The following SEZ6L variants were observed in gnomAD, a reference collection of about 807,000 sequenced individuals.
The protein encoded by SEZ6L is seizure 6-like protein.
Under a neutral mutation model 106.2 loss-of-function variants are expected in SEZ6L, and 37 were observed. That is an observed-to-expected ratio of 0.35 (90% CI 0.27 to 0.46). SEZ6L has a LOEUF of 0.46. Among genes scored for constraint, SEZ6L ranks in the 20% least tolerant of loss-of-function variants. The probability of loss-of-function intolerance (pLI) is 1.00; values close to 1 mark genes in which losing one functional copy is unlikely to be tolerated. For synonymous variants in SEZ6L, 541 were observed against 570.4 expected, an observed-to-expected ratio of 0.95 and a Z score of 0.73; for missense variants, 1,172 against 1,332.8, an observed-to-expected ratio of 0.88 and a Z score of 1.88.
intron 9 of SEZ6L, among the ~76,000 whole-genome samples, chr22:26,339,468 G>C (rs1339020550): frequency 6.6e-6 from 1 of 152,174 alleles, no homozygotes; most frequent in Non-Finnish European, 1.5e-5. Context: ...GTGGTATAGT[G>C]AAGTGATTTC....
chr22:26,324,373 C>T (rs1446316445), intron 9 of SEZ6L, among the ~76,000 whole-genome samples: 1 of 152,200 alleles, frequency 6.6e-6, no homozygotes, highest in East Asian at 1.9e-4. Context: ...GGCCTAATAA[C>T]AAACCCAGGT....
chr22:26,308,855 C>T (rs1306827390), intron 6 of SEZ6L, among the ~76,000 whole-genome samples: 1 of 152,140 alleles, frequency 6.6e-6, no homozygotes, highest in Admixed American at 6.5e-5. Context: ...TCCAGAGCAA[C>T]CCTCTTTGCC....
At chr22:26,174,486 G>A (rs1471415827) in intron 1 of SEZ6L, among the ~76,000 whole-genome samples, 4 of 152,206 alleles carry the variant, frequency 2.6e-5, no homozygotes, top group Admixed American at 6.5e-5. Flanking sequence ...GGGCTGGGTA[G>A]ACGAGAGCTG....
chr22:26,346,095 A>G (rs189348086), intron 10 of SEZ6L, among the ~76,000 whole-genome samples: 77 of 151,820 alleles, frequency 5.1e-4, no homozygotes, highest in African/African-American at 1.5e-3. Flanking sequence ...TGAAGCCTTC[A>G]TGGCTCGCTG....
At chr22:26,298,148 A>G (rs1251051631) in intron 4 of SEZ6L, among the ~76,000 whole-genome samples, 1 of 152,186 alleles carries the variant, frequency 6.6e-6, no homozygotes, top group Non-Finnish European at 1.5e-5. Flanking sequence ...ACAACTTTTC[A>G]TTGTGGGATA....
chr22:26,287,547 A>C (rs1162478529), intron 1 of SEZ6L, among the ~76,000 whole-genome samples: 1 of 152,216 alleles, frequency 6.6e-6, no homozygotes, highest in Non-Finnish European at 1.5e-5. Flanking sequence ...CAAGAAAAAC[A>C]AGGCTATTGG....
At chr22:26,336,945 G>A (rs866692041) in intron 9 of SEZ6L, among the ~76,000 whole-genome samples, 4 of 152,122 alleles carry the variant, frequency 2.6e-5, no homozygotes, top group Admixed American at 6.6e-5. Flanking sequence ...TGATGATGAC[G>A]ATAGTGATGA....
At chr22:26,258,305 A>C (rs1337849922) in intron 1 of SEZ6L, among the ~76,000 whole-genome samples, 1 of 152,250 alleles carries the variant, frequency 6.6e-6, no homozygotes, top group Admixed American at 6.5e-5. Context: ...GCTCATACTC[A>C]CATAGCATGT....
chr22:26,323,226 C>A (rs2082207468), intron 9 of SEZ6L, among the ~76,000 whole-genome samples: 1 of 152,200 alleles, frequency 6.6e-6, no homozygotes, highest in African/African-American at 2.4e-5. Flanking sequence ...AGCTCTGTGG[C>A]CTCAGGCAGA....
chr22:26,290,289 T>G (rs1193029872), intron 1 of SEZ6L, among the ~76,000 whole-genome samples: 1 of 152,154 alleles, frequency 6.6e-6, no homozygotes, highest in Non-Finnish European at 1.5e-5. Context: ...CCCAGCACTT[T>G]GGGAGGCCGA....
intron 1 of SEZ6L, among the ~76,000 whole-genome samples, chr22:26,218,412 C>T (rs1316924904): frequency 6.6e-6 from 1 of 152,190 alleles, no homozygotes; most frequent in Non-Finnish European, 1.5e-5. Context: ...CCCTTGCTCC[C>T]CACCTCCCAA....
At chr22:26,325,018 G>A (rs561492972) in intron 9 of SEZ6L, among the ~76,000 whole-genome samples, 9 of 152,266 alleles carry the variant, frequency 5.9e-5, no homozygotes, top group Admixed American at 1.3e-4. Context: ...GGCTGTCGTG[G>A]TCTAGGTGGG....
chr22:26,287,150 G>A (rs1021243556), intron 1 of SEZ6L, among the ~76,000 whole-genome samples: 1 of 151,344 alleles, frequency 6.6e-6, no homozygotes, highest in African/African-American at 2.4e-5. Flanking sequence ...AGAGAGATAC[G>A]CTGCTGCCCC....
At chr22:26,336,768 G>T (rs1381837326) in intron 9 of SEZ6L, among the ~76,000 whole-genome samples, 1 of 152,074 alleles carries the variant, frequency 6.6e-6, no homozygotes, top group African/African-American at 2.4e-5. Context: ...CAGCATCCCT[G>T]GCCTCCACTC....
chr22:26,367,780 G>T (rs2083871592), intron 13 of SEZ6L, among the ~76,000 whole-genome samples: 1 of 152,104 alleles, frequency 6.6e-6, no homozygotes, highest in Admixed American at 6.6e-5. Context: ...CTGGCGTTCT[G>T]CAAACCCTAA....
chr22:26,309,709 G>A (rs535016088), intron 6 of SEZ6L, among the ~76,000 whole-genome samples: 1 of 152,226 alleles, frequency 6.6e-6, no homozygotes, highest in Admixed American at 6.5e-5. Context: ...CTCCAGAGTA[G>A]CAGGGACTAT....
At chr22:26,302,949 G>A (rs1213511012) in intron 5 of SEZ6L, among the ~76,000 whole-genome samples, 2 of 152,232 alleles carry the variant, frequency 1.3e-5, no homozygotes, top group Non-Finnish European at 2.9e-5. Context: ...CAGGGCAATA[G>A]AGCTGGCTAT....
chr22:26,370,058 T>C (rs595817), intron 13 of SEZ6L, among the ~76,000 whole-genome samples: 31,841 of 152,222 alleles, frequency 0.21, 3,910 homozygotes, highest in African/African-American at 0.33. Context: ...ATGAGTTTTC[T>C]GCAGGGAAGA....
At chr22:26,205,650 TG>T (rs1054653340) in intron 1 of SEZ6L, among the ~76,000 whole-genome samples, 2 of 151,680 alleles carry the variant, frequency 1.3e-5, no homozygotes, top group African/African-American at 4.8e-5. Flanking sequence ...ATCTCGGTGG[TG>T]GGGGATGGGG....
Sources: allele counts gnomAD v4.1 joint callset (sites outside exome capture counted in the v4.1 genomes callset), GRCh38; gene constraint gnomAD v4.1.1; transcripts MANE v1.5; gene names NCBI Gene and HGNC (gene_info 2026-07-23, HGNC 2026-07-21).